PNPLA7: variants seen among roughly 807,000 people sequenced by gnomAD.
The protein encoded by PNPLA7 is patatin-like phospholipase domain-containing protein 7.
In PNPLA7, 153 loss-of-function variants were observed where a neutral mutation model predicts 161.7. The observed-to-expected ratio is 0.95, with a 90% CI of 0.83 to 1.08. PNPLA7 has a LOEUF of 1.08. PNPLA7 is among the 50% of genes least tolerant of loss of function. PNPLA7 has a pLI of 0.00. For missense variants in PNPLA7, 1,739 were observed against 1,856.6 expected, an observed-to-expected ratio of 0.94 and a Z score of 1.16; for synonymous variants, 809 against 782.1, an observed-to-expected ratio of 1.03 and a Z score of -0.57.
chr9:137,505,570 G>A lies in PNPLA7; in HGVS notation c.1473+44C>T. 4 of 1,607,662 alleles carry A rather than the reference G, an allele frequency of 2.5e-6. No homozygotes were observed. In the South Asian group the frequency reaches 4.4e-5, roughly 18 times the overall value. On this transcript the variant is annotated intron_variant, in intron 14 of 34. Coordinates refer to ENST00000406427, the MANE Select transcript of PNPLA7 (RefSeq NM_001098537.3). ...AACAGAGGCAGAGAGGAGGCCACGG[G>A]CCCTGGGTGGGACAAGGGCCAGGTG...
Position 137,464,386 on chromosome 9 carries a change from C to A in PNPLA7, c.3110G>T (p.Gly1037Val). Residue 1037 changes from glycine (G) to valine (V), a missense_variant, in exon 27 of 35, where the codon GGC becomes GTC. This residue lies in a region of PNPLA7 where 703 missense variants were observed against 694.6 expected (regional missense o/e 1.01). Transcript: ENST00000406427. ...YPITSMFSGA[G>V]FNSSIFSVFK... ...GACGCTGAAGATGCTGCTGTTGAAG[C>A]CGGCTCCGGAGAACATGGACGTGAT... 1 of 1,613,970 alleles carries A rather than the reference C, an allele frequency of 6.2e-7. No individual in the cohort carries two copies. The highest frequency in any genetic ancestry group is 8.5e-7 in the Non-Finnish European group (1 of 1,180,004).
At position 137,461,637 on chromosome 9, in the gene PNPLA7, G is replaced by T; in HGVS notation, c.3757-17C>A. 1.3e-6 allele frequency: 2 copies of T among 1,591,274 alleles called. No homozygotes were observed. The highest frequency in any genetic ancestry group is 2.3e-5 in the South Asian group (2 of 88,708). ...GGTGAGGACCTAGGGGTGGGGTGAGGACAGCACGTTGCCTGTGGACACCCG... is the reference window on the plus strand; with the variant it reads ...GGTGAGGACCTAGGGGTGGGGTGAGTACAGCACGTTGCCTGTGGACACCCG... On this transcript the variant is annotated splice_polypyrimidine_tract_variant and intron_variant, in intron 32 of 34. Coordinates refer to ENST00000406427, the MANE Select transcript of PNPLA7 (RefSeq NM_001098537.3).
At chr9:137,545,497 C>T (rs1159948861) in intron 4 of PNPLA7, among the ~76,000 whole-genome samples, 1 of 152,180 alleles carries the variant, frequency 6.6e-6, no homozygotes, top group Non-Finnish European at 1.5e-5. Flanking sequence ...AATAAACATC[C>T]ACTCTGGGGG....
intron 8 of PNPLA7, 142 bp from the exon 9 acceptor site, chr9:137,522,999 C>G: frequency 8.3e-7 from 1 of 1,199,312 alleles, no homozygotes; most frequent in Non-Finnish European, 1.2e-6. Flanking sequence ...CTGGGCTGTG[C>G]AAAGTGCTGC....
chr9:137,464,138 C>T lies in PNPLA7; in HGVS notation c.3214G>A (p.Val1072Ile), dbSNP rs1465080951. 1 of 1,613,624 alleles carries T rather than the reference C, an allele frequency of 6.2e-7. No individual in the cohort carries two copies. Among genetic ancestry groups the T allele is most frequent in the Admixed American group, 1.7e-5 (1 of 60,018 alleles). Residue 1072 changes from valine to isoleucine, a missense_variant, in exon 28 of 35, where the codon GTC (valine) becomes ATC (isoleucine). Val to Ile is a conservative substitution (Grantham distance 29). Transcript: ENST00000406427. ...TTDITASAMR[V>I]HTDGSLWWYV... ...CAGGAGTGCTCACCGTCGGTGTGGA[C>T]CCGCATGGCCGAGGCTGTGATGTCG...
At chr9:137,539,310 T>G (rs1479845709) in intron 8 of PNPLA7, among the ~76,000 whole-genome samples, 1 of 152,118 alleles carries the variant, frequency 6.6e-6, no homozygotes, top group Non-Finnish European at 1.5e-5. Context: ...GCCATTGTAC[T>G]CCAGCCTGGG....
At chr9:137,466,670 GA>G (rs1156578559) in intron 26 of PNPLA7, among the ~76,000 whole-genome samples, 7 of 139,632 alleles carry the variant, frequency 5.0e-5, no homozygotes, top group African/African-American at 1.9e-4. Context: ...GCACGGATCT[GA>G]CCACCTCCCA....
At chr9:137,491,647 A>T in intron 20 of PNPLA7, 3 of 985,448 alleles carry the variant, frequency 3.0e-6, no homozygotes, top group Non-Finnish European at 3.6e-6. Context: ...ACGGTTTTGC[A>T]GAGGAACTCA....
chr9:137,547,821 C>G lies in PNPLA7; in HGVS notation c.31-162G>C, dbSNP rs1275586805. Among the ~76,000 whole-genome samples, 2 of 152,140 alleles carry G rather than the reference C, an allele frequency of 1.3e-5. No homozygotes were observed. The highest frequency in any genetic ancestry group is 2.9e-5 in the Non-Finnish European group (2 of 67,984). On this transcript the variant is annotated intron_variant, in intron 1 of 34. Coordinates refer to ENST00000406427, the MANE Select transcript of PNPLA7 (RefSeq NM_001098537.3). The surrounding 1 kb of genome is among the most constrained non-coding windows in gnomAD (Gnocchi z 4.6). Reference sequence around the variant, plus strand: ...CCGGGGTGCCGGGGTCCTCTGAGCCCCCTGCTAGGAAGCACTCAGAGAGCA... The same window carrying G: ...CCGGGGTGCCGGGGTCCTCTGAGCCGCCTGCTAGGAAGCACTCAGAGAGCA...
At chr9:137,544,573 T>A (rs542146475) in intron 4 of PNPLA7, among the ~76,000 whole-genome samples, 1 of 152,344 alleles carries the variant, frequency 6.6e-6, no homozygotes, top group East Asian at 1.9e-4. Context: ...TTAATGCGGA[T>A]GAGAACAGAT....
At position 137,547,686 on chromosome 9, in the gene PNPLA7, G is replaced by A. The variant is rs748292552; in HGVS notation, c.31-27C>T. The stretch of plus-strand genomic sequence containing the variant: ...TGCAGCAGAGAGCATGGGGTCAGGT[G>A]GGCATGGACAGGCTTCCCAGCCCGA... On this transcript the variant is annotated intron_variant, in intron 1 of 34. Transcript: ENST00000406427. This position sits in a 1 kb window ranked among gnomAD's most constrained non-coding sequence, Gnocchi z 4.6. 3.1e-6 allele frequency: 5 copies of A among 1,610,232 alleles called. No homozygotes were observed. Among genetic ancestry groups the A allele is most frequent in the Non-Finnish European group, 4.2e-6 (5 of 1,177,520 alleles).
rs1269105773 is a variant in PNPLA7 at position 137,524,340 on chromosome 9, G to A, written c.748-1483C>T. Among the ~76,000 whole-genome samples, 4 of 152,058 alleles carry A rather than the reference G, an allele frequency of 2.6e-5. No homozygotes were observed. Among genetic ancestry groups the A allele is most frequent in the East Asian group, 1.9e-4 (1 of 5,192 alleles). ...CAGGGTCTCCGTCCATTCAGCAGTC[G>A]AGATTCCCCCACGGTGGCGCGTCTG... On this transcript the variant is annotated intron_variant, in intron 8 of 34. Transcript: ENST00000406427. This position sits in a 1 kb window ranked among gnomAD's most constrained non-coding sequence, Gnocchi z 4.4.
chr9:137,460,375 G>T lies in PNPLA7; in HGVS notation c.*18C>A. 6.2e-7 allele frequency: 1 copy of T among 1,607,288 alleles called. No individual in the cohort carries two copies. Among genetic ancestry groups the T allele is most frequent in the Non-Finnish European group, 8.5e-7 (1 of 1,175,866 alleles). On this transcript the variant is annotated 3_prime_UTR_variant, in exon 35 of 35. Coordinates refer to ENST00000406427, the MANE Select transcript of PNPLA7 (RefSeq NM_001098537.3). ...GTCCCACGGAAGACGCTGCATCCGG[G>T]CTCTTTAGCAGAGGCCTCTACCCGT...
chr9:137,493,228 A>G, intron 19 of PNPLA7, 146 bp from the exon 20 acceptor site: 2 of 817,852 alleles, frequency 2.4e-6, no homozygotes, highest in South Asian at 3.2e-5. Flanking sequence ...GTTGCACATG[A>G]CTCACAAGCC....
chr9:137,469,622 T>G (rs1831625495), intron 25 of PNPLA7, among the ~76,000 whole-genome samples: 1 of 152,206 alleles, frequency 6.6e-6, no homozygotes, highest in Admixed American at 6.5e-5. Context: ...TTATAGACAA[T>G]GTCTGCTCGT....
At chr9:137,514,524 G>C (rs1834414941) in intron 12 of PNPLA7, among the ~76,000 whole-genome samples, 1 of 138,018 alleles carries the variant, frequency 7.2e-6, no homozygotes. Flanking sequence ...CGGGCCCTGT[G>C]GCTGGGCTGC....
Position 137,495,096 on chromosome 9 carries a change from C to T in PNPLA7, c.2064G>A (p.Arg688=). The T allele has an allele frequency of 6.2e-7, 1 of 1,609,304 alleles. No individual in the cohort carries two copies. Among genetic ancestry groups the T allele is most frequent in the Non-Finnish European group, 8.5e-7 (1 of 1,179,464 alleles). Residue 688 remains arginine, a synonymous_variant, in exon 19 of 35, where the codon CGG becomes CGA. Transcript: ENST00000406427. ...QARATTVHAV[R]DSELAKLPAG... ...CCGGCAGCTTGGCCAATTCTGAGTC[C>T]CGAACGGCATGCACCGTGGTCGCCC...
At chr9:137,545,234 C>T (rs1836431753) in intron 4 of PNPLA7, among the ~76,000 whole-genome samples, 1 of 152,190 alleles carries the variant, frequency 6.6e-6, no homozygotes, top group Non-Finnish European at 1.5e-5. Flanking sequence ...TGTCTAGGTT[C>T]CGGAACCACC....
chr9:137,505,121 G>A (rs1588629947), intron 14 of PNPLA7, among the ~76,000 whole-genome samples: 1 of 146,056 alleles, frequency 6.8e-6, no homozygotes, highest in East Asian at 2.0e-4. Flanking sequence ...CCAAGAGGTG[G>A]AGGTTGCAGT....
Sources: allele counts gnomAD v4.1 joint callset (sites outside exome capture counted in the v4.1 genomes callset), GRCh38; gene constraint gnomAD v4.1.1; regional missense constraint gnomAD v4.1.1; non-coding constraint Gnocchi (gnomAD v3.1); transcripts MANE v1.5; gene names NCBI Gene and HGNC (gene_info 2026-07-23, HGNC 2026-07-21).